Variants in COL23A1 observed in about 807,000 individuals in gnomAD.
COL23A1 encodes the protein collagen alpha-1(XXIII) chain.
Under a neutral mutation model 99.3 loss-of-function variants are expected in COL23A1, and 97 were observed. The ratio of observed to expected loss-of-function variants is 0.98; its 90% CI spans 0.83 to 1.16. The LOEUF is 1.16. Ranked by LOEUF, COL23A1 falls within the 50% of genes most tolerant of loss-of-function variation. The pLI is 0.00. For synonymous variants in COL23A1, 320 were observed against 308.2 expected (o/e 1.04, Z -0.40); for missense variants, 762 against 757.4 (o/e 1.01, Z -0.07).
intron 2 of COL23A1, among the ~76,000 whole-genome samples, chr5:178,370,252 G>A (rs899720817): frequency 1.3e-5 from 2 of 152,234 alleles, no homozygotes; most frequent in Non-Finnish European, 2.9e-5. Context: ...CAGGTCCTGG[G>A]CGTGCTTCTT....
chr5:178,518,027 G>A (rs1759656129), intron 2 of COL23A1, among the ~76,000 whole-genome samples: 1 of 129,712 alleles, frequency 7.7e-6, no homozygotes, highest in African/African-American at 3.4e-5. Flanking sequence ...GGTTTTCCTA[G>A]GCAGAGGACC....
intron 2 of COL23A1, among the ~76,000 whole-genome samples, chr5:178,519,053 C>T (rs1192290257): frequency 6.6e-6 from 1 of 151,648 alleles, no homozygotes; most frequent in Non-Finnish European, 1.5e-5. Flanking sequence ...GCCGCGCCAA[C>T]CACCACCCGC....
chr5:178,573,495 G>A (rs1449759802), intron 1 of COL23A1, among the ~76,000 whole-genome samples: 2 of 152,220 alleles, frequency 1.3e-5, no homozygotes, highest in African/African-American at 4.8e-5. Flanking sequence ...TTCAAACCAC[G>A]TCAGCAAACG....
At chr5:178,585,740 G>GGATGGCGCTGGGGTAAT (rs1193106192) in intron 1 of COL23A1, among the ~76,000 whole-genome samples, 1 of 151,998 alleles carries the variant, frequency 6.6e-6, no homozygotes, top group Non-Finnish European at 1.5e-5. Context: ...CCACAGCCCT[G>GGATGGCGCTGGGGTAAT]GCTGACCCTG....
intron 2 of COL23A1, among the ~76,000 whole-genome samples, chr5:178,551,166 TTAATA>T (rs1056892232): frequency 1.3e-5 from 2 of 148,302 alleles, no homozygotes; most frequent in South Asian, 2.1e-4. Flanking sequence ...ATATATTATA[TTAATA>T]TATTTTATAT....
chr5:178,329,977 G>A (rs1167810743), intron 2 of COL23A1, among the ~76,000 whole-genome samples: 1 of 151,298 alleles, frequency 6.6e-6, no homozygotes, highest in Non-Finnish European at 1.5e-5. Flanking sequence ...TCACATGGAA[G>A]CTACCAGTGG....
intron 3 of COL23A1, among the ~76,000 whole-genome samples, chr5:178,305,073 A>G (rs1581119251): frequency 6.6e-6 from 1 of 152,188 alleles, no homozygotes; most frequent in East Asian, 1.9e-4. Flanking sequence ...GGAACTTATA[A>G]TAAAAGGCAA....
chr5:178,541,107 G>A (rs1406160707), intron 2 of COL23A1, among the ~76,000 whole-genome samples: 2 of 152,064 alleles, frequency 1.3e-5, no homozygotes, highest in Admixed American at 1.3e-4. Flanking sequence ...ATCAAGTTTT[G>A]GGAATTAAAA....
chr5:178,454,912 C>T (rs559918459), intron 2 of COL23A1, among the ~76,000 whole-genome samples: 38 of 152,374 alleles, frequency 2.5e-4, no homozygotes, highest in African/African-American at 8.7e-4. Context: ...TCGGCTGGGC[C>T]TGCTCCCTCT....
chr5:178,519,255 C>G (rs1581553891), intron 2 of COL23A1, among the ~76,000 whole-genome samples: 1 of 152,246 alleles, frequency 6.6e-6, no homozygotes, highest in South Asian at 2.1e-4. Flanking sequence ...AGGGGCAGAA[C>G]GTTGTCAGCA....
chr5:178,425,801 A>C (rs1026352645), intron 2 of COL23A1, among the ~76,000 whole-genome samples: 8 of 152,234 alleles, frequency 5.3e-5, no homozygotes, highest in African/African-American at 1.9e-4. Context: ...TTTACTTGGA[A>C]AGATGCTTTG....
At chr5:178,465,022 G>A (rs1026749912) in intron 2 of COL23A1, among the ~76,000 whole-genome samples, 1 of 152,202 alleles carries the variant, frequency 6.6e-6, no homozygotes, top group Non-Finnish European at 1.5e-5. Flanking sequence ...CATGGATGAA[G>A]AGGTAGCTTT....
chr5:178,274,274 C>A (rs989386684), intron 5 of COL23A1, among the ~76,000 whole-genome samples: 4 of 152,214 alleles, frequency 2.6e-5, no homozygotes, highest in African/African-American at 9.6e-5. Flanking sequence ...GCTGTGCAGA[C>A]CATCTACAAA....
intron 3 of COL23A1, among the ~76,000 whole-genome samples, chr5:178,305,262 G>A (rs888173972): frequency 1.3e-5 from 2 of 152,172 alleles, no homozygotes; most frequent in Non-Finnish European, 2.9e-5. Flanking sequence ...TCTTGCCGGT[G>A]AGCGCTAAGG....
At chr5:178,275,149 C>T (rs1756514046) in intron 5 of COL23A1, among the ~76,000 whole-genome samples, 2 of 152,354 alleles carry the variant, frequency 1.3e-5, no homozygotes, top group Non-Finnish European at 2.9e-5. Context: ...CCTCAGTTTC[C>T]TCATTTGTGA....
intron 2 of COL23A1, among the ~76,000 whole-genome samples, chr5:178,382,777 G>A (rs1027190301): frequency 2.6e-5 from 4 of 152,230 alleles, no homozygotes; most frequent in Admixed American, 1.3e-4. Context: ...TCAGGGAGAC[G>A]GTTCAGAAGC....
In COL23A1 at chr5:178,405,349, T is replaced by C. The variant is rs571320709; in HGVS notation, c.362-98430A>G. Among the ~76,000 whole-genome samples the C allele has an allele frequency of 1.5e-4, 23 of 152,380 alleles. No individual in the cohort carries two copies. The East Asian group carries it at 2.1e-3, about 14-fold the overall frequency. ...TAATATAGCTCTGTCCTCGTTTACA[T>C]TGTTCTTCAAACAAACTATGATTCA... is the stretch of plus-strand genomic sequence containing the variant. On this transcript the variant is annotated intron_variant, in intron 2 of 28. Transcript: ENST00000390654.
intron 2 of COL23A1, among the ~76,000 whole-genome samples, chr5:178,537,793 C>T (rs1761061773): frequency 6.6e-6 from 1 of 152,240 alleles, no homozygotes; most frequent in Non-Finnish European, 1.5e-5. Flanking sequence ...AAATACGTGG[C>T]ATGACGTTTC....
intron 2 of COL23A1, among the ~76,000 whole-genome samples, chr5:178,326,414 T>TGAA (rs113275965): frequency 7.4e-5 from 11 of 148,478 alleles, no homozygotes; most frequent in Non-Finnish European, 1.3e-4. Context: ...AGAGAACATT[T>TGAA]AAAAAAAAAA....
Sources: allele counts gnomAD v4.1 joint callset (sites outside exome capture counted in the v4.1 genomes callset), GRCh38; gene constraint gnomAD v4.1.1; transcripts MANE v1.5; gene names NCBI Gene and HGNC (gene_info 2026-07-23, HGNC 2026-07-21).